Variants in ARHGAP24 observed in about 807,000 individuals in gnomAD.
ARHGAP24 encodes rho GTPase-activating protein 24.
ARHGAP24 carries 50 observed loss-of-function variants against 76.4 expected under a neutral mutation model. The observed-to-expected ratio is 0.65, with a 90% CI of 0.52 to 0.83. The LOEUF is 0.83. Ranked by LOEUF, ARHGAP24 falls within the 40% of genes least tolerant of loss-of-function variation. The probability of loss-of-function intolerance (pLI) is 0.00; values close to 1 mark genes in which losing one functional copy is unlikely to be tolerated. For synonymous variants in ARHGAP24, 345 were observed against 323.3 expected (o/e 1.07, Z -0.72); for missense variants, 930 against 914.2 (o/e 1.02, Z -0.22).
intron 2 of ARHGAP24, among the ~76,000 whole-genome samples, chr4:85,598,512 T>G (rs1719915903): frequency 6.6e-6 from 1 of 152,100 alleles, no homozygotes; most frequent in Non-Finnish European, 1.5e-5. Flanking sequence ...AACTTTTTAC[T>G]CTTTCTTAGT....
At chr4:85,718,775 A>T (rs1270414000) in intron 2 of ARHGAP24, among the ~76,000 whole-genome samples, 1 of 152,206 alleles carries the variant, frequency 6.6e-6, no homozygotes. Flanking sequence ...ATAATGTCAA[A>T]TAAGAAAATG....
At chr4:85,495,576 T>C (rs1369466302) in intron 1 of ARHGAP24, among the ~76,000 whole-genome samples, 1 of 151,752 alleles carries the variant, frequency 6.6e-6, no homozygotes, top group Non-Finnish European at 1.5e-5. Flanking sequence ...TGGGTCTCAA[T>C]CTCCTTACCT....
At chr4:85,770,328 A>C (rs1000576653) in intron 3 of ARHGAP24, among the ~76,000 whole-genome samples, 2 of 152,210 alleles carry the variant, frequency 1.3e-5, no homozygotes, top group Non-Finnish European at 2.9e-5. Flanking sequence ...AATATTTAAA[A>C]ATTATTCAGC....
rs145726711 is a variant in ARHGAP24 at position 85,510,895 on chromosome 4, C to T, written c.-21+35336C>T. Among the ~76,000 whole-genome samples, 12 of 149,934 alleles carry T rather than the reference C, an allele frequency of 8.0e-5. No homozygotes were observed. The East Asian group carries it at 2.2e-3, about 28-fold the overall frequency. On this transcript the variant is annotated intron_variant, in intron 1 of 9. Coordinates refer to ENST00000395184, the MANE Select transcript of ARHGAP24 (RefSeq NM_001025616.3). ...CATTACTTTCTTTGGAAAGGAGAAC[C>T]CATGCCTCTGCTCTGGTAAAATGCT...
intron 3 of ARHGAP24, among the ~76,000 whole-genome samples, chr4:85,903,451 A>T (rs895826647): frequency 2.6e-5 from 4 of 152,112 alleles, no homozygotes; most frequent in African/African-American, 9.7e-5. Flanking sequence ...ATATTTTGAT[A>T]TGTTTTTCCC....
chr4:85,483,552 CA>C (rs1722899317), intron 1 of ARHGAP24, among the ~76,000 whole-genome samples: 1 of 151,980 alleles, frequency 6.6e-6, no homozygotes, highest in South Asian at 2.1e-4. Flanking sequence ...GCGGAGGTTG[CA>C]GTGAGCCGAG....
At chr4:85,719,144 C>T (rs1194654083) in intron 2 of ARHGAP24, among the ~76,000 whole-genome samples, 1 of 152,078 alleles carries the variant, frequency 6.6e-6, no homozygotes, top group Non-Finnish European at 1.5e-5. Context: ...ATTATTTTTA[C>T]CACATTATGT....
chr4:85,770,897 G>A (rs1727107191), intron 3 of ARHGAP24, among the ~76,000 whole-genome samples: 1 of 152,164 alleles, frequency 6.6e-6, no homozygotes, highest in Non-Finnish European at 1.5e-5. Flanking sequence ...GCAGGAGTGG[G>A]GCAGGAGAGT....
chr4:85,777,119 A>G (rs1727337895), intron 3 of ARHGAP24, among the ~76,000 whole-genome samples: 1 of 152,206 alleles, frequency 6.6e-6, no homozygotes, highest in Non-Finnish European at 1.5e-5. Flanking sequence ...TTCTGTTTTG[A>G]ATCTCAGTTG....
At chr4:85,660,722 G>A (rs1722344665) in intron 2 of ARHGAP24, among the ~76,000 whole-genome samples, 1 of 144,226 alleles carries the variant, frequency 6.9e-6, no homozygotes, top group African/African-American at 2.5e-5. Context: ...CTTGACCCAG[G>A]GAGTAGGAGG....
At chr4:85,954,562 T>C (rs1737800203) in intron 5 of ARHGAP24, among the ~76,000 whole-genome samples, 1 of 152,214 alleles carries the variant, frequency 6.6e-6, no homozygotes, top group East Asian at 1.9e-4. Flanking sequence ...CAAATGAAGA[T>C]CCTTGCTCGT....
At chr4:85,997,364 TGATAGATATA>T (rs1740729679) in intron 9 of ARHGAP24, among the ~76,000 whole-genome samples, 2 of 122,496 alleles carry the variant, frequency 1.6e-5, no homozygotes, top group Admixed American at 1.6e-4. Flanking sequence ...AATAGATAGA[TGATAGATATA>T]GATAGATAGA....
intron 4 of ARHGAP24, among the ~76,000 whole-genome samples, chr4:85,928,075 T>C (rs1736112484): frequency 6.6e-6 from 1 of 152,188 alleles, no homozygotes. Flanking sequence ...ATAGCTCAAC[T>C]TTGTGCTACC....
intron 1 of ARHGAP24, among the ~76,000 whole-genome samples, chr4:85,528,235 C>A (rs10032314): frequency 0.26 from 39,563 of 151,928 alleles, 6,730 homozygotes; most frequent in East Asian, 0.79. Flanking sequence ...GTATTCCACA[C>A]CACATCAGTT....
At position 85,878,071 on chromosome 4, in the gene ARHGAP24, C is replaced by T. The variant is rs73833944; in HGVS notation, c.269-45577C>T. On this transcript the variant is annotated intron_variant, in intron 3 of 9. Transcript: ENST00000395184. Reference sequence around the variant, plus strand: ...ATATCTAACTGAATTATTCCTGTATCTAATAAGTCTATTTCAAGTGATTGC... The same window carrying T: ...ATATCTAACTGAATTATTCCTGTATTTAATAAGTCTATTTCAAGTGATTGC... 1.9e-3 allele frequency among the ~76,000 whole-genome samples: 288 copies of T among 152,202 alleles called. 2 individuals carry two copies. The highest frequency in any genetic ancestry group is 6.7e-3 in the African/African-American group (280 of 41,546).
intron 8 of ARHGAP24, chr4:85,992,293 G>A (rs6815772): frequency 0.22 from 85,196 of 389,706 alleles, 9,866 homozygotes; most frequent in South Asian, 0.4. Context: ...TCTTTACAAG[G>A]GGCTATGGCC....
intron 2 of ARHGAP24, among the ~76,000 whole-genome samples, chr4:85,721,162 G>A (rs867287475): frequency 2.6e-5 from 4 of 152,130 alleles, no homozygotes; most frequent in Admixed American, 6.5e-5. Context: ...TTGGGAAGCC[G>A]AGGCAGGTGG....
intron 3 of ARHGAP24, among the ~76,000 whole-genome samples, chr4:85,819,706 G>A (rs934342775): frequency 6.6e-6 from 1 of 152,102 alleles, no homozygotes; most frequent in Admixed American, 6.5e-5. Flanking sequence ...ATCACCTGAG[G>A]TCAGGAGTTC....
intron 1 of ARHGAP24, among the ~76,000 whole-genome samples, chr4:85,564,110 C>T (rs1726708128): frequency 6.6e-6 from 1 of 152,154 alleles, no homozygotes; most frequent in Non-Finnish European, 1.5e-5. Context: ...GATCTGCAGG[C>T]ATATGCTTAC....
Sources: gnomAD v4.1 joint callset for allele counts (sites outside exome capture counted in the v4.1 genomes callset) on GRCh38, gnomAD v4.1.1 for gene constraint, MANE v1.5 for transcripts, NCBI Gene and HGNC (gene_info 2026-07-23, HGNC 2026-07-21) for gene names.